Variants in XPO5 observed in about 807,000 individuals in gnomAD.
The protein encoded by XPO5 is exportin-5.
In XPO5, 46 loss-of-function variants were observed where a neutral mutation model predicts 160.6. The ratio of observed to expected loss-of-function variants is 0.29; its 90% CI spans 0.23 to 0.37. XPO5 has a LOEUF of 0.37. Ranked by LOEUF, XPO5 falls within the 10% of genes least tolerant of loss-of-function variation. The pLI is 1.00. For synonymous variants in XPO5, 537 were observed against 519.3 expected (o/e 1.03, Z -0.46); for missense variants, 1,090 against 1,463.9 (o/e 0.74, Z 4.17).
chr6:43,564,313 T>C (rs1422397513), intron 8 of XPO5, among the ~76,000 whole-genome samples: 1 of 152,158 alleles, frequency 6.6e-6, no homozygotes, highest in Non-Finnish European at 1.5e-5. Context: ...GTGGATCACC[T>C]GAGATCAGGA....
At chr6:43,561,208 CT>C (rs771907568) in intron 9 of XPO5, among the ~76,000 whole-genome samples, 16 of 152,250 alleles carry the variant, frequency 1.1e-4, no homozygotes, top group Middle Eastern at 3.4e-3. Flanking sequence ...ATCATCATTA[CT>C]TTGCCTACTC....
intron 2 of XPO5, 86 bp downstream of exon 2, chr6:43,573,394 T>C (rs1381945690): frequency 6.5e-6 from 10 of 1,537,250 alleles, no homozygotes; most frequent in African/African-American, 1.4e-5. Context: ...TCTTCTCTAC[T>C]CACCTAAACA....
In XPO5 at chr6:43,523,656, T is replaced by A. The variant is rs768829566; in HGVS notation, c.*212A>T. 7.2e-6 allele frequency: 6 copies of A among 832,658 alleles called. No homozygotes were observed. In the South Asian group the frequency reaches 8.0e-5, roughly 11 times the overall value. 51.6% of individuals were successfully genotyped at this position (832,658 alleles called of 1,614,324 possible). A position where few individuals can be genotyped will look rare whatever the true frequency, so the allele number is the denominator to read the frequency against. On this transcript the variant is annotated 3_prime_UTR_variant, in exon 32 of 32. Transcript: ENST00000265351. ...AACTATCTGGGACATCTAGACAGAATAGTTTAAGCCCTAACTCCCTTTCTT... is the reference window on the plus strand; with the variant it reads ...AACTATCTGGGACATCTAGACAGAAAAGTTTAAGCCCTAACTCCCTTTCTT...
Position 43,558,511 on chromosome 6 carries a change from A to G in XPO5, c.1302T>C (p.Ala434=). The G allele has an allele frequency of 6.2e-7, 1 of 1,600,614 alleles. No homozygotes were observed. The highest frequency in any genetic ancestry group is 8.5e-7 in the Non-Finnish European group (1 of 1,174,142). ...FDFDSDEDFN[A]FFNSSRAQQG... ...GCCAACATCACTTACAGTTGAAGAAAGCATTGAAGTCCTCATCGCTATCAA... is the reference window on the plus strand; with the variant it reads ...GCCAACATCACTTACAGTTGAAGAAGGCATTGAAGTCCTCATCGCTATCAA... The change falls in exon 12 of 32, where the codon GCT becomes GCC. Residue 434 remains alanine (A), a synonymous_variant. Transcript: ENST00000265351.
Position 43,526,754 on chromosome 6 carries a change from C to A in XPO5, c.2921-7G>T. ...TTTGAAACACAGCAAACCGCTAAAG[C>A]AAGAAAGCAGGGTTACTAGGTGAAG... On this transcript the variant is annotated splice_polypyrimidine_tract_variant and splice_region_variant and intron_variant, in intron 26 of 31. Coordinates refer to ENST00000265351, the MANE Select transcript of XPO5 (RefSeq NM_020750.3). 6.2e-7 allele frequency: 1 copy of A among 1,613,454 alleles called. No homozygotes were observed. The highest frequency in any genetic ancestry group is 1.1e-5 in the South Asian group (1 of 90,896).
intron 12 of XPO5, 103 bp downstream of exon 12, chr6:43,558,398 T>C: frequency 1.0e-6 from 1 of 1,004,712 alleles, no homozygotes. Context: ...CTATCCAGAT[T>C]TGGGGATCTT....
chr6:43,574,772 C>T (rs1763211569), intron 1 of XPO5, among the ~76,000 whole-genome samples: 1 of 152,144 alleles, frequency 6.6e-6, no homozygotes, highest in South Asian at 2.1e-4. Flanking sequence ...GTGACAGGAA[C>T]ATGCAGAATC....
rs780706231 is a variant in XPO5 at position 43,565,665 on chromosome 6, G to T, written c.906C>A (p.Ala302=). 1.2e-6 allele frequency: 2 copies of T among 1,604,440 alleles called. No homozygotes were observed. Among genetic ancestry groups the T allele is most frequent in the African/African-American group, 1.3e-5 (1 of 74,598 alleles). The change falls in exon 8 of 32, where the codon GCC becomes GCA. Residue 302 remains alanine, a synonymous_variant. Transcript: ENST00000265351. ...TGAAAAGTAAAGATACTCACTGTGCGGCGGAGAGTATATAATGCATGGCAA... is the reference window on the plus strand; with the variant it reads ...TGAAAAGTAAAGATACTCACTGTGCTGCGGAGAGTATATAATGCATGGCAA... The part of the protein sequence containing the change: ...GDVAMHYILS[A]AQTADGGGLV...
intron 21 of XPO5, chr6:43,533,342 C>T (rs1401432008): frequency 6.6e-6 from 1 of 152,408 alleles, no homozygotes; most frequent in African/African-American, 2.4e-5. Flanking sequence ...GTAACACCCA[C>T]CACAACCTAC....
At chr6:43,543,878 T>C (rs1007165661) in intron 20 of XPO5, among the ~76,000 whole-genome samples, 2 of 152,172 alleles carry the variant, frequency 1.3e-5, no homozygotes, top group African/African-American at 4.8e-5. Context: ...GGTTTCACCA[T>C]GTTTATTGGG....
chr6:43,570,593 T>C lies in XPO5; in HGVS notation c.530A>G (p.Asp177Gly). 6.2e-7 allele frequency: 1 copy of C among 1,613,906 alleles called. No homozygotes were observed. The highest frequency in any genetic ancestry group is 1.6e-4 in the Middle Eastern group (1 of 6,062). Reference sequence around the variant, plus strand: ...GTTCTGGGTTAATGTTTGCTGGATGTCCCTTCTTCTTTGAGGGGGAAGTGT... The same window carrying C: ...GTTCTGGGTTAATGTTTGCTGGATGCCCCTTCTTCTTTGAGGGGGAAGTGT... ...FQTLPPQRRR[D>G]IQQTLTQNME... is the part of the protein sequence containing the mutation. Residue 177 changes from aspartate to glycine, a missense_variant, in exon 5 of 32, where the codon GAC (aspartate) becomes GGC (glycine). Asp to Gly is a moderately conservative substitution (Grantham distance 94). Coordinates refer to ENST00000265351, the MANE Select transcript of XPO5 (RefSeq NM_020750.3).
intron 26 of XPO5, 114 bp downstream of exon 26, chr6:43,527,520 G>T: frequency 9.8e-7 from 1 of 1,021,000 alleles, no homozygotes; most frequent in African/African-American, 1.6e-5. Flanking sequence ...AATCCACCAT[G>T]CCCGCCGCAA....
intron 15 of XPO5, 154 bp downstream of exon 15, chr6:43,551,144 T>C: frequency 1.5e-6 from 1 of 673,752 alleles, no homozygotes; most frequent in Non-Finnish European, 2.3e-6. Flanking sequence ...TAGTCTCAGC[T>C]ACTCAGAAGG....
At chr6:43,573,733 G>A in intron 1 of XPO5, 132 bp from the exon 2 acceptor site, 1 of 1,109,652 alleles carries the variant, frequency 9.0e-7, no homozygotes. Flanking sequence ...GGGAGGCTGA[G>A]ATGGGTGGAC....
intron 21 of XPO5, 158 bp downstream of exon 21, chr6:43,533,749 T>G: frequency 2.4e-6 from 1 of 418,648 alleles, no homozygotes; most frequent in Non-Finnish European, 4.4e-6. Context: ...GCAGGAAGAC[T>G]GCTTGAGTCC....
At chr6:43,533,836 AAAC>A (rs1396891582) in intron 21 of XPO5, 68 bp downstream of exon 21, 43 of 1,236,036 alleles carry the variant, frequency 3.5e-5, no homozygotes, top group African/African-American at 6.1e-5. Flanking sequence ...GACTCTTAAA[AAAC>A]AACAAAAAAA....
At chr6:43,568,582 G>C in intron 6 of XPO5, 129 bp downstream of exon 6, 1 of 780,856 alleles carries the variant, frequency 1.3e-6, no homozygotes, top group South Asian at 2.8e-5. Flanking sequence ...CTCCAGCCTG[G>C]GCAACAGTAA....
intron 24 of XPO5, among the ~76,000 whole-genome samples, chr6:43,528,513 A>C (rs930018646): frequency 6.6e-6 from 1 of 152,144 alleles, no homozygotes; most frequent in African/African-American, 2.4e-5. Flanking sequence ...GCTTAATTCT[A>C]GAGTAAGGAT....
chr6:43,552,383 C>T (rs191625894), intron 14 of XPO5, among the ~76,000 whole-genome samples: 73 of 151,810 alleles, frequency 4.8e-4, no homozygotes, highest in African/African-American at 1.7e-3. Flanking sequence ...GACAGAATCC[C>T]ACTCTGTCAC....
Sources: allele counts gnomAD v4.1 joint callset (sites outside exome capture counted in the v4.1 genomes callset), GRCh38; gene constraint gnomAD v4.1.1; transcripts MANE v1.5; gene names NCBI Gene and HGNC (gene_info 2026-07-23, HGNC 2026-07-21).